CCDC102B: variants seen among roughly 807,000 people sequenced by gnomAD.
CCDC102B encodes coiled-coil domain containing 102B, also known as coiled-coil domain-containing protein 102B.
In CCDC102B, 75 loss-of-function variants were observed where a neutral mutation model predicts 57.4. That is an observed-to-expected ratio of 1.31 (90% CI 1.08 to 1.58). The LOEUF is 1.58. Ranked by LOEUF, CCDC102B falls within the 40% of genes most tolerant of loss-of-function variation. The pLI, the probability that CCDC102B is intolerant of heterozygous loss-of-function variation, is 0.00. For synonymous variants in CCDC102B, 206 were observed against 201.9 expected (o/e 1.02, Z -0.17); for missense variants, 636 against 582.6 (o/e 1.09, Z -0.94).
chr18:68,956,463 A>ATACATTT (rs2049878125), intron 6 of CCDC102B, among the ~76,000 whole-genome samples: 1 of 21,692 alleles, frequency 4.6e-5, no homozygotes, highest in Non-Finnish European at 1.1e-4. Context: ...TATATATTTT[A>ATACATTT]TATATATATT....
chr18:69,012,585 G>A (rs531331435), intron 7 of CCDC102B, among the ~76,000 whole-genome samples: 3 of 152,178 alleles, frequency 2.0e-5, no homozygotes, highest in African/African-American at 2.4e-5. Context: ...GCATGCCAGC[G>A]CCGTTAGAAG....
chr18:68,975,110 A>G (rs946726255), intron 6 of CCDC102B, among the ~76,000 whole-genome samples: 1 of 152,014 alleles, frequency 6.6e-6, no homozygotes, highest in Non-Finnish European at 1.5e-5. Context: ...AAAAATTACA[A>G]GCAGCAGCAT....
intron 2 of CCDC102B, among the ~76,000 whole-genome samples, chr18:68,744,475 C>G (rs1271686967): frequency 6.6e-6 from 1 of 152,124 alleles, no homozygotes; most frequent in Non-Finnish European, 1.5e-5. Flanking sequence ...AGTGAAGTTC[C>G]TAACTGCTAG....
intron 4 of CCDC102B, among the ~76,000 whole-genome samples, chr18:68,871,660 A>T (rs1389275131): frequency 6.6e-6 from 1 of 152,024 alleles, no homozygotes; most frequent in African/African-American, 2.4e-5. Flanking sequence ...TTACTCCTCC[A>T]TGCCTAGAGT....
chr18:68,785,548 T>C (rs577348998), intron 2 of CCDC102B, among the ~76,000 whole-genome samples: 2 of 151,586 alleles, frequency 1.3e-5, no homozygotes, highest in African/African-American at 2.4e-5. Flanking sequence ...TATCTCACTG[T>C]GGTTTTGATT....
At chr18:68,998,274 T>C (rs529612605) in intron 6 of CCDC102B, among the ~76,000 whole-genome samples, 1 of 151,630 alleles carries the variant, frequency 6.6e-6, no homozygotes, top group East Asian at 1.9e-4. Flanking sequence ...CTATATTATA[T>C]ACATAATTAC....
intron 5 of CCDC102B, among the ~76,000 whole-genome samples, chr18:68,894,868 T>C (rs969211930): frequency 6.6e-6 from 1 of 151,898 alleles, no homozygotes; most frequent in South Asian, 2.1e-4. Flanking sequence ...ATTCAGACCA[T>C]GTATTACTTA....
At chr18:68,847,352 A>G (rs747285527) in intron 4 of CCDC102B, among the ~76,000 whole-genome samples, 2 of 151,812 alleles carry the variant, frequency 1.3e-5, no homozygotes, top group Non-Finnish European at 2.9e-5. Flanking sequence ...TATGTGCTCT[A>G]TAATATAATG....
At chr18:68,930,613 G>A (rs2041637146) in intron 6 of CCDC102B, among the ~76,000 whole-genome samples, 1 of 151,852 alleles carries the variant, frequency 6.6e-6, no homozygotes, top group South Asian at 2.1e-4. Flanking sequence ...CTCTATCTCT[G>A]TTGGGGAATA....
chr18:68,764,039 A>G (rs886897142), intron 2 of CCDC102B, among the ~76,000 whole-genome samples: 3 of 152,118 alleles, frequency 2.0e-5, no homozygotes, highest in Admixed American at 6.6e-5. Flanking sequence ...AATTTTCTCA[A>G]GATTAGACAG....
intron 2 of CCDC102B, among the ~76,000 whole-genome samples, chr18:68,747,321 A>G (rs932274548): frequency 6.6e-6 from 1 of 152,114 alleles, no homozygotes; most frequent in Non-Finnish European, 1.5e-5. Context: ...ATGAGGGAGA[A>G]CACAGAGTAT....
At chr18:68,840,770 G>A (rs1464196634) in intron 3 of CCDC102B, among the ~76,000 whole-genome samples, 3 of 152,162 alleles carry the variant, frequency 2.0e-5, no homozygotes, top group African/African-American at 7.2e-5. Context: ...TTTTCTAGAT[G>A]TAAACTTCTA....
chr18:68,966,224 T>C (rs2145244508), intron 6 of CCDC102B, among the ~76,000 whole-genome samples: 1 of 152,256 alleles, frequency 6.6e-6, no homozygotes, highest in East Asian at 1.9e-4. Context: ...CATGACTATA[T>C]TGGGTCTACT....
At chr18:68,983,121 A>T (rs1356925313) in intron 6 of CCDC102B, among the ~76,000 whole-genome samples, 2 of 151,866 alleles carry the variant, frequency 1.3e-5, no homozygotes, top group Admixed American at 1.3e-4. Flanking sequence ...TTGGAAGTAT[A>T]CATTAATTGA....
intron 6 of CCDC102B, among the ~76,000 whole-genome samples, chr18:69,005,808 G>GTATA (rs369385857): frequency 2.7e-5 from 4 of 150,496 alleles, no homozygotes; most frequent in African/African-American, 9.7e-5. Flanking sequence ...ATTAAAATAT[G>GTATA]TATATATATA....
intron 3 of CCDC102B, 78 bp downstream of exon 3, chr18:68,839,004 C>A: frequency 8.8e-7 from 1 of 1,132,902 alleles, no homozygotes; most frequent in Non-Finnish European, 1.3e-6. Flanking sequence ...ATAGATTGGT[C>A]ATTTGATAAT....
intron 6 of CCDC102B, among the ~76,000 whole-genome samples, chr18:68,918,500 A>G (rs1469761923): frequency 6.6e-6 from 1 of 152,316 alleles, no homozygotes; most frequent in South Asian, 2.1e-4. Context: ...GAGACAATTA[A>G]ATGTAATTAT....
chr18:68,790,334 T>C (rs1027065975), intron 2 of CCDC102B, among the ~76,000 whole-genome samples: 1 of 143,386 alleles, frequency 7.0e-6, no homozygotes, highest in Non-Finnish European at 1.6e-5. Context: ...CAGGCAGGCC[T>C]CCTTGAGCTG....
chr18:68,763,787 G>GACAAATAAATATTCCTCAA (rs1568237750), intron 2 of CCDC102B, among the ~76,000 whole-genome samples: 2 of 146,976 alleles, frequency 1.4e-5, no homozygotes, highest in African/African-American at 5.3e-5. Context: ...CAATACAGCA[G>GACAAATAAATATTCCTCAA]TAGAACCTAG....
Sources: gnomAD v4.1 joint callset for allele counts (sites outside exome capture counted in the v4.1 genomes callset) on GRCh38, gnomAD v4.1.1 for gene constraint, MANE v1.5 for transcripts, NCBI Gene and HGNC (gene_info 2026-07-23, HGNC 2026-07-21) for gene names.